Variants in TLK1 observed in about 807,000 individuals in gnomAD.
TLK1 encodes serine/threonine-protein kinase tousled-like 1.
A neutral mutation model predicts 105.3 loss-of-function variants in TLK1; 24 were observed. That is an observed-to-expected ratio of 0.23 (90% confidence interval 0.17 to 0.32). TLK1 has a LOEUF of 0.32. TLK1 is among the 10% of genes least tolerant of loss of function. The pLI is 1.00. For synonymous variants in TLK1, 321 were observed against 310.4 expected, an observed-to-expected ratio of 1.03 and a Z score of -0.36; for missense variants, 558 against 910.5, an observed-to-expected ratio of 0.61 and a Z score of 4.98.
intron 3 of TLK1, among the ~76,000 whole-genome samples, chr2:171,068,386 GGACT>G (rs1688108925): frequency 6.6e-6 from 1 of 152,106 alleles, no homozygotes; most frequent in South Asian, 2.1e-4. Flanking sequence ...TGTCCAGGCT[GGACT>G]GTAACTCCTA....
At chr2:171,014,805 G>C (rs755566015) in intron 13 of TLK1, 46 bp downstream of exon 13, 50 of 1,327,024 alleles carry the variant, frequency 3.8e-5, no homozygotes, top group Non-Finnish European at 5.4e-5. Flanking sequence ...GGGGGGCGGG[G>C]GTAGTTTTAA....
chr2:171,044,582 T>C (rs551410469), intron 11 of TLK1, among the ~76,000 whole-genome samples: 2 of 152,184 alleles, frequency 1.3e-5, no homozygotes, highest in African/African-American at 2.4e-5. Flanking sequence ...GGGCTGGAGA[T>C]GGTAATTTTG....
At chr2:171,054,026 C>T (rs1314693240) in intron 7 of TLK1, 173 bp from the exon 8 acceptor site, 1 of 451,040 alleles carries the variant, frequency 2.2e-6, no homozygotes, top group Non-Finnish European at 3.9e-6. Flanking sequence ...TGTATAAATG[C>T]TACAGACTTA....
chr2:171,049,145 CAG>C (rs1687107040), intron 10 of TLK1, among the ~76,000 whole-genome samples: 2 of 152,216 alleles, frequency 1.3e-5, no homozygotes, highest in African/African-American at 2.4e-5. Context: ...GAGGCAGAGA[CAG>C]GGGCAAGGAT....
At chr2:171,229,251 C>T (rs1363774617) in intron 1 of TLK1, among the ~76,000 whole-genome samples, 1 of 152,186 alleles carries the variant, frequency 6.6e-6, no homozygotes, top group African/African-American at 2.4e-5. Flanking sequence ...CTGGAAATCT[C>T]ATGAGCTCAC....
chr2:171,031,560 A>G (rs886500199), intron 11 of TLK1, among the ~76,000 whole-genome samples: 5 of 152,210 alleles, frequency 3.3e-5, no homozygotes, highest in Admixed American at 1.3e-4. Context: ...TAGCTAAATT[A>G]TTAATATTTT....
intron 1 of TLK1, among the ~76,000 whole-genome samples, chr2:171,182,209 G>A (rs1692940095): frequency 6.6e-6 from 1 of 152,152 alleles, no homozygotes; most frequent in African/African-American, 2.4e-5. Context: ...TTGAGAAAAA[G>A]CCTCAATGGA....
At chr2:171,224,597 T>C (rs111266720) in intron 1 of TLK1, among the ~76,000 whole-genome samples, 14 of 152,334 alleles carry the variant, frequency 9.2e-5, no homozygotes, top group African/African-American at 3.1e-4. Flanking sequence ...GGATCTGAAG[T>C]CTTAATATCA....
chr2:171,143,368 G>A (rs1285001095), intron 1 of TLK1, among the ~76,000 whole-genome samples: 2 of 151,712 alleles, frequency 1.3e-5, no homozygotes, highest in Non-Finnish European at 2.9e-5. Flanking sequence ...AGCTGGGTGT[G>A]GTGGCACATG....
intron 11 of TLK1, among the ~76,000 whole-genome samples, chr2:171,040,741 T>A (rs1230100689): frequency 6.6e-6 from 1 of 151,984 alleles, no homozygotes; most frequent in Non-Finnish European, 1.5e-5. Flanking sequence ...CATGTCTGGC[T>A]AATTTTTTAT....
intron 3 of TLK1, among the ~76,000 whole-genome samples, chr2:171,078,891 G>A (rs2105472407): frequency 6.6e-6 from 1 of 152,234 alleles, no homozygotes; most frequent in South Asian, 2.1e-4. Context: ...TCCATCTGTG[G>A]GAGCCTTTCA....
rs879922058 is a variant in TLK1, at chr2:170,993,100, G to A, written c.*680C>T. The A allele has an allele frequency of 6.6e-6, 1 of 152,590 alleles. No individual in the cohort carries two copies. The highest frequency in any genetic ancestry group is 1.5e-5 in the Non-Finnish European group (1 of 68,030). The allele number at this position is 152,590 out of a possible 1,614,324, so 9.5% of individuals were successfully genotyped here. ...AACACAAGCAGCTCATTTTGTCAAA[G>A]GTGTAAAGTATTTAGAAATAATAGC... is the stretch of plus-strand genomic sequence containing the variant. On this transcript the variant is annotated 3_prime_UTR_variant, in exon 21 of 21. Transcript: ENST00000431350.
chr2:171,192,442 G>A (rs1693171751), intron 1 of TLK1, among the ~76,000 whole-genome samples: 1 of 151,972 alleles, frequency 6.6e-6, no homozygotes, highest in Admixed American at 6.5e-5. Flanking sequence ...CACTTTGGGA[G>A]GCCGAGGCGG....
At chr2:171,058,373 T>C (rs1034810120) in intron 4 of TLK1, among the ~76,000 whole-genome samples, 176 bp from the exon 5 acceptor site, 1 of 152,186 alleles carries the variant, frequency 6.6e-6, no homozygotes, top group Non-Finnish European at 1.5e-5. Context: ...AAATAAATGA[T>C]GTAAGTGATG....
chr2:171,006,464 T>C lies in TLK1; in HGVS notation c.1768+10A>G, dbSNP rs776477955. The C allele has an allele frequency of 6.4e-7, 1 of 1,558,324 alleles. No individual in the cohort carries two copies. The highest frequency in any genetic ancestry group is 8.6e-7 in the Non-Finnish European group (1 of 1,157,524). On this transcript the variant is annotated intron_variant, in intron 17 of 20. Transcript: ENST00000431350. ...AAGTTTAAAAAAAATTAGACAAATT[T>C]CATAATTACCTGGCTTAAGATCATA...
chr2:171,195,071 G>A (rs1258999770), intron 1 of TLK1, among the ~76,000 whole-genome samples: 1 of 151,994 alleles, frequency 6.6e-6, no homozygotes, highest in African/African-American at 2.4e-5. Flanking sequence ...ATGCATTTTC[G>A]TATACTTGCT....
chr2:171,004,110 T>C (rs879925427), intron 18 of TLK1, among the ~76,000 whole-genome samples: 2 of 152,032 alleles, frequency 1.3e-5, no homozygotes, highest in African/African-American at 2.4e-5. Context: ...ATGGCCACCA[T>C]GCCCAGCTAA....
intron 20 of TLK1, 149 bp from the exon 21 acceptor site, chr2:170,994,105 G>A: frequency 4.6e-6 from 4 of 872,472 alleles, no homozygotes; most frequent in Non-Finnish European, 6.3e-6. Context: ...AAATTCTGTA[G>A]CTAGAAAATT....
At position 171,054,169 on chromosome 2, in the gene TLK1, A is replaced by G. The variant is rs548695792; in HGVS notation, c.640-316T>C. The G allele has an allele frequency of 1.4e-4, 26 of 182,668 alleles. 1 individual carries two copies. The South Asian group carries it at 3.2e-3, about 22-fold the overall frequency. 11.3% of individuals were successfully genotyped at this position (182,668 alleles called of 1,614,324 possible). On this transcript the variant is annotated intron_variant, in intron 7 of 20. Coordinates refer to ENST00000431350, the MANE Select transcript of TLK1 (RefSeq NM_012290.5). Reference sequence around the variant, plus strand: ...ATTTTGCAAGACCTTTTTTAAATTGATAAGTAAAAACCTATCTATTTATGG... The same window carrying G: ...ATTTTGCAAGACCTTTTTTAAATTGGTAAGTAAAAACCTATCTATTTATGG...
Sources: allele counts gnomAD v4.1 joint callset (sites outside exome capture counted in the v4.1 genomes callset), GRCh38; gene constraint gnomAD v4.1.1; transcripts MANE v1.5; gene names NCBI Gene and HGNC (gene_info 2026-07-23, HGNC 2026-07-21).